Variants in KRTAP1-1 observed in about 807,000 individuals in gnomAD.
KRTAP1-1 encodes the protein keratin associated protein 1-1, also known as keratin-associated protein 1-1.
KRTAP1-1 carries 9 observed loss-of-function variants against 14.1 expected under a neutral mutation model. That is an observed-to-expected ratio of 0.64 (90% CI 0.39 to 1.12). KRTAP1-1 has a LOEUF of 1.12. Ranked by LOEUF, KRTAP1-1 falls within the 50% of genes most tolerant of loss-of-function variation. The pLI is 0.01. For missense variants in KRTAP1-1, 179 were observed against 230.9 expected, an observed-to-expected ratio of 0.78 and a Z score of 1.46; for synonymous variants, 77 against 80.5, an observed-to-expected ratio of 0.96 and a Z score of 0.23.
Position 41,041,389 on chromosome 17 carries a change from G to A in KRTAP1-1, c.9C>T (p.Cys3=). The A allele has an allele frequency of 6.2e-7, 1 of 1,613,160 alleles. No homozygotes were observed. The highest frequency in any genetic ancestry group is 8.5e-7 in the Non-Finnish European group (1 of 1,179,854). ...GAAATCCACAGAAGCTGGTCTGACA[G>A]CAGGCCATGGTGTCAGGAGTTGATC... The part of the protein sequence containing the change: MA[C]CQTSFCGFPS... Residue 3 remains cysteine (C), a synonymous_variant, in exon 1 of 1, where the codon TGC becomes TGT. Transcript: ENST00000306271.
Position 41,041,400 on chromosome 17 carries a change from T to C in KRTAP1-1, c.-3A>G. Reference sequence around the variant, plus strand: ...AAGCTGGTCTGACAGCAGGCCATGGTGTCAGGAGTTGATCTGAAGGTTGGG... The same window carrying C: ...AAGCTGGTCTGACAGCAGGCCATGGCGTCAGGAGTTGATCTGAAGGTTGGG... On this transcript the variant is annotated 5_prime_UTR_variant, in exon 1 of 1. Coordinates refer to ENST00000306271, the MANE Select transcript of KRTAP1-1 (RefSeq NM_030967.3). The C allele has an allele frequency of 6.2e-7, 1 of 1,613,074 alleles. No individual in the cohort carries two copies. Among genetic ancestry groups the C allele is most frequent in the Admixed American group, 1.7e-5 (1 of 60,006 alleles).
chr17:41,041,319 G>A lies in KRTAP1-1; in HGVS notation c.79C>T (p.Pro27Ser). The stretch of plus-strand genomic sequence containing the variant: ...CAGGAGCTGGTCTCACAGCAGCTTG[G>A]CTGGCAGCAGCTGGAGCCGCAGGTC... ...SGTCGSSCCQ[P>S]SCCETSSCQP... is the part of the protein sequence containing the mutation. Residue 27 changes from proline to serine, a missense_variant, in exon 1 of 1, where the codon CCA becomes TCA. By Grantham distance (74) the Pro-to-Ser change is moderately conservative. Transcript: ENST00000306271. The A allele has an allele frequency of 1.3e-6, 2 of 1,535,648 alleles. No individual in the cohort carries two copies.
At position 41,041,312 on chromosome 17, in the gene KRTAP1-1, C is replaced by A. The variant is rs2012715057; in HGVS notation, c.86G>T (p.Cys29Phe). The change falls in exon 1 of 1, where the codon TGC (cysteine) becomes TTC (phenylalanine). Residue 29 changes from cysteine to phenylalanine, a missense_variant. Transcript: ENST00000306271. ...TCGSSCCQPSCCETSSCQPRC... is the reference protein window; with the variant it reads ...TCGSSCCQPSFCETSSCQPRC... ...TGGCTGGCAGGAGCTGGTCTCACAG[C>A]AGCTTGGCTGGCAGCAGCTGGAGCC... 1 of 1,535,392 alleles carries A rather than the reference C, an allele frequency of 6.5e-7. No homozygotes were observed. The highest frequency in any genetic ancestry group is 8.7e-7 in the Non-Finnish European group (1 of 1,151,298).
rs1455908215 is a variant in KRTAP1-1, at chr17:41,041,206, C to T, written c.192G>A (p.Gly64=). The T allele has an allele frequency of 6.2e-7, 1 of 1,601,924 alleles. No individual in the cohort carries two copies. The highest frequency in any genetic ancestry group is 8.5e-7 in the Non-Finnish European group (1 of 1,173,464). Residue 64 remains glycine, a synonymous_variant, in exon 1 of 1, where the codon GGG becomes GGA. Coordinates refer to ENST00000306271, the MANE Select transcript of KRTAP1-1 (RefSeq NM_030967.3). ...FCGFPSFSTG[G]TCDSSCCQPS... Reference sequence around the variant, plus strand: ...GCTGGCAGCAGCTAGAGTCACAAGTCCCACCGGTTGAGAAGCTAGGAAATC... The same window carrying T: ...GCTGGCAGCAGCTAGAGTCACAAGTTCCACCGGTTGAGAAGCTAGGAAATC...
At position 41,040,924 on chromosome 17, in the gene KRTAP1-1, G is replaced by A. The variant is rs3815561; in HGVS notation, c.474C>T (p.Tyr158=). 0.17 allele frequency: 275,534 copies of A among 1,611,434 alleles called. 24,832 individuals carry two copies. Among genetic ancestry groups the A allele is most frequent in the Admixed American group, 0.29 (17,164 of 59,806 alleles). The change falls in exon 1 of 1, where the codon TAC becomes TAT. Residue 158 remains tyrosine (Y), a synonymous_variant. Transcript: ENST00000306271. ...CTGGGCGGCAACAGGACTGTCCACAGTAGGATGGGCGGCAGCAGGAGGCCT... is the reference window on the plus strand; with the variant it reads ...CTGGGCGGCAACAGGACTGTCCACAATAGGATGGGCGGCAGCAGGAGGCCT... ...HAEASCCRPS[Y]CGQSCCRPVC...
chr17:41,041,411 G>A lies in KRTAP1-1; in HGVS notation c.-14C>T, dbSNP rs1312661538. On this transcript the variant is annotated 5_prime_UTR_variant, in exon 1 of 1. Transcript: ENST00000306271. ...ACAGCAGGCCATGGTGTCAGGAGTT[G>A]ATCTGAAGGTTGGGTTGCTTGGAGG... 5.6e-6 allele frequency: 9 copies of A among 1,610,048 alleles called. No homozygotes were observed. Among genetic ancestry groups the A allele is most frequent in the Non-Finnish European group, 5.9e-6 (7 of 1,177,940 alleles).
Position 41,041,179 on chromosome 17 carries a change from T to G in KRTAP1-1, c.219A>C (p.Pro73=). The part of the protein sequence containing the change: ...GGTCDSSCCQ[P]SCCETSCCQP... ...GGCAGCAGCTAGTTTCACAGCAGCTTGGCTGGCAGCAGCTAGAGTCACAAG... is the reference window on the plus strand; with the variant it reads ...GGCAGCAGCTAGTTTCACAGCAGCTGGGCTGGCAGCAGCTAGAGTCACAAG... Residue 73 remains proline, a synonymous_variant, in exon 1 of 1, where the codon CCA becomes CCC. Coordinates refer to ENST00000306271, the MANE Select transcript of KRTAP1-1 (RefSeq NM_030967.3). 6.2e-7 allele frequency: 1 copy of G among 1,607,762 alleles called. No homozygotes were observed. The highest frequency in any genetic ancestry group is 8.5e-7 in the Non-Finnish European group (1 of 1,174,304).
rs1048519846 is a variant in KRTAP1-1, at chr17:41,040,550, C to T, written c.*314G>A. ...TCCAAAGCAAAGAAAGTTCAAACAA[C>T]AACTTCATCATTGAAGAGATGAAAA... On this transcript the variant is annotated 3_prime_UTR_variant, in exon 1 of 1. Coordinates refer to ENST00000306271, the MANE Select transcript of KRTAP1-1 (RefSeq NM_030967.3). 3 of 309,826 alleles carry T rather than the reference C, an allele frequency of 9.7e-6. No homozygotes were observed. Among genetic ancestry groups the T allele is most frequent in the African/African-American group, 6.4e-5 (3 of 46,574 alleles). The allele number at this position is 309,826 out of a possible 1,614,324, so 19.2% of individuals were successfully genotyped here.
chr17:41,041,132 C>A lies in KRTAP1-1; in HGVS notation c.266G>T (p.Ser89Ile). 1 of 1,614,016 alleles carries A rather than the reference C, an allele frequency of 6.2e-7. No homozygotes were observed. Among genetic ancestry groups the A allele is most frequent in the Non-Finnish European group, 8.5e-7 (1 of 1,179,900 alleles). ...SCCQPSCYQTSSCGTGCGIGG... is the reference protein window; with the variant it reads ...SCCQPSCYQTISCGTGCGIGG... Reference sequence around the variant, plus strand: ...AATGCCACAGCCAGTTCCGCAGGAGCTGGTCTGGTAGCAGCTTGGCTGGCA... The same window carrying A: ...AATGCCACAGCCAGTTCCGCAGGAGATGGTCTGGTAGCAGCTTGGCTGGCA... The change falls in exon 1 of 1, where the codon AGC (serine) becomes ATC (isoleucine). Residue 89 changes from serine to isoleucine, a missense_variant. Coordinates refer to ENST00000306271, the MANE Select transcript of KRTAP1-1 (RefSeq NM_030967.3).
rs751729428 is a variant in KRTAP1-1 at position 41,041,415 on chromosome 17, T to G, written c.-18A>C. 44 of 1,611,414 alleles carry G rather than the reference T, an allele frequency of 2.7e-5. No homozygotes were observed. Among genetic ancestry groups the G allele is most frequent in the Non-Finnish European group, 3.2e-5 (38 of 1,177,822 alleles). On this transcript the variant is annotated 5_prime_UTR_variant, in exon 1 of 1. Coordinates refer to ENST00000306271, the MANE Select transcript of KRTAP1-1 (RefSeq NM_030967.3). ...CAGGCCATGGTGTCAGGAGTTGATCTGAAGGTTGGGTTGCTTGGAGGAGTT... is the reference window on the plus strand; with the variant it reads ...CAGGCCATGGTGTCAGGAGTTGATCGGAAGGTTGGGTTGCTTGGAGGAGTT...
chr17:41,040,640 T>C lies in KRTAP1-1; in HGVS notation c.*224A>G, dbSNP rs1348401812. 1 of 475,270 alleles carries C rather than the reference T, an allele frequency of 2.1e-6. No homozygotes were observed. Among genetic ancestry groups the C allele is most frequent in the Non-Finnish European group, 3.7e-6 (1 of 270,118 alleles). 29.4% of individuals were successfully genotyped at this position (475,270 alleles called of 1,614,324 possible). A position where few individuals can be genotyped will look rare whatever the true frequency, so the allele number is the denominator to read the frequency against. ...TCAGGTGATATTTATAGTAAAATAGTATCTAACTCTTTTCACATTGTAGGA... is the reference window on the plus strand; with the variant it reads ...TCAGGTGATATTTATAGTAAAATAGCATCTAACTCTTTTCACATTGTAGGA... On this transcript the variant is annotated 3_prime_UTR_variant, in exon 1 of 1. Transcript: ENST00000306271.
rs201624038 is a variant in KRTAP1-1, at chr17:41,041,256, T to G, written c.142A>C (p.Ser48Arg). 6.6e-7 allele frequency: 1 copy of G among 1,504,642 alleles called. No individual in the cohort carries two copies. Among genetic ancestry groups the G allele is most frequent in the Non-Finnish European group, 8.8e-7 (1 of 1,141,542 alleles). The allele number at this position is 1,504,642 out of a possible 1,614,324, so 93.2% of individuals were successfully genotyped here. A position where few individuals can be genotyped will look rare whatever the true frequency, so the allele number is the denominator to read the frequency against. ...RCCETSCCQPSCCQTSFCGFP... is the reference protein window; with the variant it reads ...RCCETSCCQPRCCQTSFCGFP... ...CCACAGAAGCTGGTCTGGCAGCAGC[T>G]TGGCTGGCAGCAGCTGGTCTCACAG... Residue 48 changes from serine to arginine, a missense_variant, in exon 1 of 1, where the codon AGC becomes CGC. Transcript: ENST00000306271.
At position 41,040,676 on chromosome 17, in the gene KRTAP1-1, C is replaced by T; in HGVS notation, c.*188G>A. 1.7e-6 allele frequency: 1 copy of T among 598,188 alleles called. No homozygotes were observed. The highest frequency in any genetic ancestry group is 3.2e-5 in the South Asian group (1 of 30,938). 37.1% of individuals were successfully genotyped at this position (598,188 alleles called of 1,614,324 possible). A position where few individuals can be genotyped will look rare whatever the true frequency, so the allele number is the denominator to read the frequency against. The stretch of plus-strand genomic sequence containing the variant: ...TTTCACATTGTAGGACTTTGGCTGA[C>T]AACCAGGTCTAGGAAAAATTTTTGG... On this transcript the variant is annotated 3_prime_UTR_variant, in exon 1 of 1. Transcript: ENST00000306271.
Position 41,040,754 on chromosome 17 carries a change from G to T in KRTAP1-1, c.*110C>A. 8.3e-7 allele frequency: 1 copy of T among 1,210,470 alleles called. No individual in the cohort carries two copies. Among genetic ancestry groups the T allele is most frequent in the East Asian group, 2.5e-5 (1 of 40,378 alleles). 75.0% of individuals were successfully genotyped at this position (1,210,470 alleles called of 1,614,324 possible). On this transcript the variant is annotated 3_prime_UTR_variant, in exon 1 of 1. Transcript: ENST00000306271. ...TAGGGAATTTATGTGGCTGTGTGAT[G>T]AGAGGTTGCAAGCCCAGTTATAGGT...
chr17:41,040,720 T>C lies in KRTAP1-1; in HGVS notation c.*144A>G. 9.6e-7 allele frequency: 1 copy of C among 1,042,632 alleles called. No homozygotes were observed. The highest frequency in any genetic ancestry group is 1.3e-6 in the Non-Finnish European group (1 of 746,740). The allele number at this position is 1,042,632 out of a possible 1,614,324, so 64.6% of individuals were successfully genotyped here. A position where few individuals can be genotyped will look rare whatever the true frequency, so the allele number is the denominator to read the frequency against. On this transcript the variant is annotated 3_prime_UTR_variant, in exon 1 of 1. Coordinates refer to ENST00000306271, the MANE Select transcript of KRTAP1-1 (RefSeq NM_030967.3). ...TTTTTGGTCTTCCATTGTAAATGAA[T>C]TTACTTCCTAGGGAATTTATGTGGC...
chr17:41,041,135 G>A lies in KRTAP1-1; in HGVS notation c.263C>T (p.Thr88Ile), dbSNP rs762079613. The change falls in exon 1 of 1, where the codon ACC becomes ATC. Residue 88 changes from threonine to isoleucine, a missense_variant. Transcript: ENST00000306271. ...TSCCQPSCYQTSSCGTGCGIG... is the reference protein window; with the variant it reads ...TSCCQPSCYQISSCGTGCGIG... ...GCCACAGCCAGTTCCGCAGGAGCTGGTCTGGTAGCAGCTTGGCTGGCAGCA... is the reference window on the plus strand; with the variant it reads ...GCCACAGCCAGTTCCGCAGGAGCTGATCTGGTAGCAGCTTGGCTGGCAGCA... The A allele has an allele frequency of 7.4e-6, 12 of 1,614,016 alleles. No individual in the cohort carries two copies. The South Asian group carries it at 1.1e-4, about 15-fold the overall frequency.
In KRTAP1-1 at chr17:41,040,916, T is replaced by G; in HGVS notation, c.482A>C (p.Gln161Pro). The change falls in exon 1 of 1, where the codon CAG becomes CCG. Residue 161 changes from glutamine to proline, a missense_variant. Gln to Pro is a moderately conservative substitution (Grantham distance 76). Coordinates refer to ENST00000306271, the MANE Select transcript of KRTAP1-1 (RefSeq NM_030967.3). ...ASCCRPSYCG[Q>P]SCCRPVCCCY... The stretch of plus-strand genomic sequence containing the variant: ...GCAGCAGACTGGGCGGCAACAGGAC[T>G]GTCCACAGTAGGATGGGCGGCAGCA... 6.2e-7 allele frequency: 1 copy of G among 1,608,450 alleles called. No individual in the cohort carries two copies.
In KRTAP1-1 at chr17:41,041,102, C is replaced by T. The variant is rs778704964; in HGVS notation, c.296G>A (p.Gly99Asp). ...SSCGTGCGIGGGIGYGQEGSS... is the reference protein window; with the variant it reads ...SSCGTGCGIGDGIGYGQEGSS... ...GCCCTCCTGGCCATAGCCAATGCCA[C>T]CACCAATGCCACAGCCAGTTCCGCA... The change falls in exon 1 of 1, where the codon GGT (glycine) becomes GAT (aspartate). Residue 99 changes from glycine to aspartate, a missense_variant. Physicochemically the swap from Gly to Asp is moderately conservative, Grantham distance 94 (BLOSUM62 -1). Transcript: ENST00000306271. 57 of 1,613,988 alleles carry T rather than the reference C, an allele frequency of 3.5e-5. No homozygotes were observed. The South Asian group carries it at 5.9e-4, about 17-fold the overall frequency.
rs1026267780 is a variant in KRTAP1-1, at chr17:41,040,896, A to G, written c.502T>C (p.Cys168Arg). The change falls in exon 1 of 1, where the codon TGC becomes CGC. Residue 168 changes from cysteine to arginine, a missense_variant. Physicochemically the swap from Cys to Arg is radical, Grantham distance 180 (BLOSUM62 -3). Coordinates refer to ENST00000306271, the MANE Select transcript of KRTAP1-1 (RefSeq NM_030967.3). ...GTGGGCTCAGAGCAGTAGCAGCAGC[A>G]GACTGGGCGGCAACAGGACTGTCCA... ...YCGQSCCRPV[C>R]CCYCSEPTC 1 of 1,596,874 alleles carries G rather than the reference A, an allele frequency of 6.3e-7. No homozygotes were observed. Among genetic ancestry groups the G allele is most frequent in the African/African-American group, 1.3e-5 (1 of 74,664 alleles).
Sources: allele counts gnomAD v4.1 joint callset, GRCh38; gene constraint gnomAD v4.1.1; transcripts MANE v1.5; gene names NCBI Gene and HGNC (gene_info 2026-07-23, HGNC 2026-07-21).